The following FREM3 variants were observed in gnomAD, a reference collection of about 807,000 sequenced individuals.
The protein encoded by FREM3 is FRAS1-related extracellular matrix protein 3.
In FREM3, 105 loss-of-function variants were observed where a neutral mutation model predicts 129.1. That is an observed-to-expected ratio of 0.81 (90% CI 0.69 to 0.96). The LOEUF is 0.96. FREM3 is among the 40% of genes least tolerant of loss of function. The pLI is 0.00. For missense variants in FREM3, 2,593 were observed against 2,666.3 expected, an observed-to-expected ratio of 0.97 and a Z score of 0.61; for synonymous variants, 1,014 against 1,044.9, an observed-to-expected ratio of 0.97 and a Z score of 0.57.
chr4:143,687,274 A>G (rs923449298), intron 2 of FREM3, among the ~76,000 whole-genome samples: 2 of 152,186 alleles, frequency 1.3e-5, no homozygotes, highest in Non-Finnish European at 2.9e-5. Context: ...CTGGAAAAAT[A>G]CAAACCTCCT....
chr4:143,691,166 T>C (rs565658202), intron 2 of FREM3, among the ~76,000 whole-genome samples: 2 of 152,326 alleles, frequency 1.3e-5, no homozygotes, highest in South Asian at 4.1e-4. Context: ...TATGAATGAA[T>C]GTATCCTCAA....
intron 7 of FREM3, among the ~76,000 whole-genome samples, chr4:143,583,930 G>A (rs1038456770): frequency 1.3e-5 from 2 of 152,130 alleles, no homozygotes; most frequent in Non-Finnish European, 1.5e-5. Context: ...CTAACAACAA[G>A]ATGACAGCAT....
rs543481577 is a variant in FREM3 at position 143,631,603 on chromosome 4, G to A, written c.5276-3843C>T. 5.3e-5 allele frequency among the ~76,000 whole-genome samples: 8 copies of A among 152,208 alleles called. No homozygotes were observed. In the South Asian group the frequency reaches 1.7e-3, roughly 32 times the overall value. On this transcript the variant is annotated intron_variant, in intron 2 of 7. Coordinates refer to ENST00000329798, the MANE Select transcript of FREM3 (RefSeq NM_001168235.2). ...CTCTAATCCAACTAGAAAATAAGACGTGTATATGAAACTGTTAAATTACAA... is the reference window on the plus strand; with the variant it reads ...CTCTAATCCAACTAGAAAATAAGACATGTATATGAAACTGTTAAATTACAA...
intron 2 of FREM3, among the ~76,000 whole-genome samples, chr4:143,685,729 C>G (rs1013395382): frequency 1.3e-5 from 2 of 152,094 alleles, no homozygotes; most frequent in Non-Finnish European, 2.9e-5. Flanking sequence ...GATACAGAAC[C>G]AGCTTCATCC....
intron 6 of FREM3, among the ~76,000 whole-genome samples, chr4:143,605,392 T>A (rs1296842619): frequency 1.3e-5 from 2 of 152,146 alleles, no homozygotes; most frequent in African/African-American, 2.4e-5. Flanking sequence ...CTCTTACAGT[T>A]AAGTACAATT....
At chr4:143,680,315 C>G (rs1245522554) in intron 2 of FREM3, among the ~76,000 whole-genome samples, 1 of 151,398 alleles carries the variant, frequency 6.6e-6, no homozygotes, top group Non-Finnish European at 1.5e-5. Flanking sequence ...AATGTAATCT[C>G]CTTTACATCT....
At chr4:143,682,079 T>C (rs1488721493) in intron 2 of FREM3, among the ~76,000 whole-genome samples, 3 of 152,150 alleles carry the variant, frequency 2.0e-5, no homozygotes, top group Non-Finnish European at 4.4e-5. Context: ...TAGTCTAAAA[T>C]TGACCTCATA....
chr4:143,678,892 AT>A (rs1453824293), intron 2 of FREM3, among the ~76,000 whole-genome samples: 1 of 152,058 alleles, frequency 6.6e-6, no homozygotes, highest in Non-Finnish European at 1.5e-5. Context: ...ATAAGAACAT[AT>A]TTTAAGTAGG....
chr4:143,610,670 C>T (rs991865976), intron 6 of FREM3, among the ~76,000 whole-genome samples: 2 of 152,164 alleles, frequency 1.3e-5, no homozygotes, highest in African/African-American at 4.8e-5. Context: ...GTTAAAAGTG[C>T]TCCTTATAGA....
At chr4:143,600,070 C>T (rs73852628) in intron 6 of FREM3, among the ~76,000 whole-genome samples, 2,933 of 152,242 alleles carry the variant, frequency 0.019, 94 homozygotes, top group African/African-American at 0.066. Context: ...TGCCCTGGAG[C>T]AGAGGCATAG....
At chr4:143,604,176 T>G (rs1201399928) in intron 6 of FREM3, among the ~76,000 whole-genome samples, 1 of 152,112 alleles carries the variant, frequency 6.6e-6, no homozygotes. Context: ...GCAGCTCCCC[T>G]TCCCCTTCTG....
chr4:143,639,543 A>G (rs1210011216), intron 2 of FREM3, among the ~76,000 whole-genome samples: 1 of 152,152 alleles, frequency 6.6e-6, no homozygotes. Context: ...GCACCATTAC[A>G]GCAATCCAGA....
rs2149865438 is a variant in FREM3, at chr4:143,698,868, G to C, written c.1808C>G (p.Ser603Cys). The C allele has an allele frequency of 6.5e-7, 1 of 1,537,576 alleles. No individual in the cohort carries two copies. Among genetic ancestry groups the C allele is most frequent in the East Asian group, 2.4e-5 (1 of 40,908 alleles). Residue 603 changes from serine (S) to cysteine (C), a missense_variant, in exon 1 of 8, where the codon TCC becomes TGC. This residue lies in a region of FREM3 where 2,276 missense variants were observed against 2,267.2 expected (regional missense o/e 1.00). Coordinates refer to ENST00000329798, the MANE Select transcript of FREM3 (RefSeq NM_001168235.2). ...EEPQWELAPG[S>C]SHSGHYLGDL... The stretch of plus-strand genomic sequence containing the variant: ...CCCCAGGTAGTGGCCTGAGTGGGAG[G>C]AACCAGGGGCCAACTCCCACTGAGG...
chr4:143,666,949 G>A (rs1050187320), intron 2 of FREM3, among the ~76,000 whole-genome samples: 3 of 151,650 alleles, frequency 2.0e-5, no homozygotes, highest in Non-Finnish European at 4.4e-5. Context: ...ACTTTAAATG[G>A]GCAAATTGTA....
At chr4:143,663,584 C>T (rs13152595) in intron 2 of FREM3, among the ~76,000 whole-genome samples, 5 of 151,730 alleles carry the variant, frequency 3.3e-5, no homozygotes, top group Admixed American at 6.6e-5. Flanking sequence ...CTTCTCGAGG[C>T]GTATCTTTGT....
chr4:143,580,736 C>T (rs1260544966), intron 7 of FREM3, among the ~76,000 whole-genome samples: 11 of 152,340 alleles, frequency 7.2e-5, no homozygotes, highest in Admixed American at 5.9e-4. Flanking sequence ...GATGGAGATC[C>T]CAGTGGTAGC....
chr4:143,696,837 A>G lies in FREM3; in HGVS notation c.3839T>C (p.Phe1280Ser), dbSNP rs373053448. The G allele has an allele frequency of 2.9e-5, 44 of 1,537,546 alleles. No homozygotes were observed. The highest frequency in any genetic ancestry group is 3.9e-5 in the Admixed American group (2 of 50,982). ...CTTGCCGTCACTCAGCCAGACCTCA[A>G]AACTGTCCTCTTTTGTCTCTGAGTC... ...HDDSETKEDSFEVWLSDGKHT... is the reference protein window; with the variant it reads ...HDDSETKEDSSEVWLSDGKHT... Residue 1280 changes from phenylalanine to serine, a missense_variant, in exon 1 of 8, where the codon TTT (phenylalanine) becomes TCT (serine). Phe to Ser is a radical substitution (Grantham distance 155). Transcript: ENST00000329798.
chr4:143,650,356 A>C (rs1460275463), intron 2 of FREM3, among the ~76,000 whole-genome samples: 1 of 152,222 alleles, frequency 6.6e-6, no homozygotes, highest in African/African-American at 2.4e-5. Context: ...CCTTCCCCAC[A>C]GTTGGTTCTA....
At chr4:143,652,985 G>C (rs1739538236) in intron 2 of FREM3, among the ~76,000 whole-genome samples, 1 of 152,108 alleles carries the variant, frequency 6.6e-6, no homozygotes, top group African/African-American at 2.4e-5. Context: ...AGCTGTACAA[G>C]GTTTTGATAC....
Sources: allele counts gnomAD v4.1 joint callset (sites outside exome capture counted in the v4.1 genomes callset), GRCh38; gene constraint gnomAD v4.1.1; regional missense constraint gnomAD v4.1.1; transcripts MANE v1.5; gene names NCBI Gene and HGNC (gene_info 2026-07-23, HGNC 2026-07-21).